PRELID2: variants seen among roughly 807,000 people sequenced by gnomAD.
PRELID2 encodes PRELI domain-containing protein 2.
PRELID2 carries 25 observed loss-of-function variants against 28.4 expected under a neutral mutation model. That is an observed-to-expected ratio of 0.88 (90% CI 0.64 to 1.23). The LOEUF is 1.23. Ranked by LOEUF, PRELID2 falls within the 50% of genes most tolerant of loss-of-function variation. PRELID2 has a pLI of 0.00. For synonymous variants in PRELID2, 76 were observed against 71.6 expected, an observed-to-expected ratio of 1.06 and a Z score of -0.31; for missense variants, 201 against 214.4, an observed-to-expected ratio of 0.94 and a Z score of 0.39.
At chr5:145,353,685 AACTC>A in the PRELID2 span, among the ~76,000 whole-genome samples, 1 of 152,146 alleles carries the variant, frequency 6.6e-6, no homozygotes, top group East Asian at 1.9e-4. Flanking sequence ...ATCTCATGAG[AACTC>A]ACTCATTATC....
the PRELID2 span, among the ~76,000 whole-genome samples, chr5:145,416,455 G>C: frequency 4.4e-3 from 676 of 152,052 alleles, 5 homozygotes; most frequent in African/African-American, 0.015. Context: ...CACAGCAAAA[G>C]AAACTACCAT....
chr5:145,305,398 G>A, the PRELID2 span, among the ~76,000 whole-genome samples: 5 of 152,272 alleles, frequency 3.3e-5, no homozygotes, highest in Admixed American at 6.5e-5. Flanking sequence ...ACCCAACTCT[G>A]TATTTCCACA....
Position 145,817,950 on chromosome 5 carries a change from C to T in PRELID2, c.312G>A (p.Gln104=), listed in dbSNP as rs777844292. 58 of 1,598,820 alleles carry T rather than the reference C, an allele frequency of 3.6e-5. No homozygotes were observed. Among genetic ancestry groups the T allele is most frequent in the Middle Eastern group, 1.7e-4 (1 of 5,988 alleles). Residue 104 remains glutamine, a synonymous_variant, in exon 4 of 7, where the codon CAG becomes CAA. Coordinates refer to ENST00000683046, the MANE Select transcript of PRELID2 (RefSeq NM_205846.3). ...CAGACTCTTCCTTCATGGATGCATACTGTGTCCACGTAAGGCAGTGACTCC... is the reference window on the plus strand; with the variant it reads ...CAGACTCTTCCTTCATGGATGCATATTGTGTCCACGTAAGGCAGTGACTCC... ...AIRSHCLTWT[Q]YASMKEESVF...
the PRELID2 span, among the ~76,000 whole-genome samples, chr5:145,251,055 A>G: frequency 6.6e-5 from 10 of 152,302 alleles, no homozygotes; most frequent in African/African-American, 2.4e-4. Flanking sequence ...AATAGATGTC[A>G]TAACTATCCA....
At chr5:145,782,597 A>C (rs1229871478) in intron 5 of PRELID2, among the ~76,000 whole-genome samples, 1 of 152,228 alleles carries the variant, frequency 6.6e-6, no homozygotes, top group Non-Finnish European at 1.5e-5. Context: ...AAGCCAACAT[A>C]TTTATGTTAA....
chr5:145,288,543 C>T, the PRELID2 span, among the ~76,000 whole-genome samples: 1 of 152,036 alleles, frequency 6.6e-6, no homozygotes, highest in Non-Finnish European at 1.5e-5. Context: ...CTGCAAAGAG[C>T]CCTAAGTCAT....
rs866818846 is a variant in PRELID2, at chr5:145,741,561, T to C, written n.70+23370A>G. ...TTTATTTATAAATAATTTATTTATA[T>C]ATAAAATTTATTTATAAATAATTTA... On this transcript the variant is annotated intron_variant and non_coding_transcript_variant, in intron 1 of 2. Transcript: ENST00000510259. Among the ~76,000 whole-genome samples, 264 of 96,626 alleles carry C rather than the reference T, an allele frequency of 2.7e-3. 12 individuals are homozygous for C. Among genetic ancestry groups the C allele is most frequent in the African/African-American group, 0.01 (254 of 24,308 alleles). The allele number at this position is 96,626 out of a possible 152,430, so 63.4% of individuals were successfully genotyped here.
intron 1 of PRELID2, among the ~76,000 whole-genome samples, chr5:145,634,769 C>G (rs886264401): frequency 6.6e-6 from 1 of 152,116 alleles, no homozygotes; most frequent in Non-Finnish European, 1.5e-5. Flanking sequence ...CATAACAGTA[C>G]CTGGCAGAAT....
At chr5:145,743,131 G>A (rs4264988) in intron 1 of PRELID2, among the ~76,000 whole-genome samples, 106 of 152,098 alleles carry the variant, frequency 7.0e-4, no homozygotes, top group East Asian at 1.7e-3. Context: ...GAATCTGGCC[G>A]GGCGCGGTGG....
chr5:145,561,874 C>G, intron 1 of PRELID2, among the ~76,000 whole-genome samples: 1 of 152,192 alleles, frequency 6.6e-6, no homozygotes, highest in East Asian at 1.9e-4. Context: ...TAAGTCTCAG[C>G]CACTGCCCTT....
At chr5:145,392,369 G>A in the PRELID2 span, among the ~76,000 whole-genome samples, 1 of 151,972 alleles carries the variant, frequency 6.6e-6, no homozygotes, top group Non-Finnish European at 1.5e-5. Flanking sequence ...GCTCTTGGGG[G>A]AACTCACTAT....
At chr5:145,404,454 G>A in the PRELID2 span, among the ~76,000 whole-genome samples, 1 of 152,148 alleles carries the variant, frequency 6.6e-6, no homozygotes, top group African/African-American at 2.4e-5. Flanking sequence ...TATAGTGTGT[G>A]TCCAGCACTA....
At chr5:145,678,814 A>G (rs1455722445) in intron 1 of PRELID2, among the ~76,000 whole-genome samples, 1 of 152,134 alleles carries the variant, frequency 6.6e-6, no homozygotes, top group Non-Finnish European at 1.5e-5. Flanking sequence ...TGATTATAGG[A>G]GTTAGAAATT....
chr5:145,341,655 C>G, the PRELID2 span, among the ~76,000 whole-genome samples: 3 of 149,216 alleles, frequency 2.0e-5, no homozygotes, highest in Middle Eastern at 0.01. Flanking sequence ...TACATAAAAT[C>G]AAGCTAAGAA....
chr5:145,777,978 C>A (rs548595725), intron 5 of PRELID2, among the ~76,000 whole-genome samples: 1 of 152,114 alleles, frequency 6.6e-6, no homozygotes, highest in Non-Finnish European at 1.5e-5. Context: ...GGTTCCTGGA[C>A]GGAAGGGAGC....
intron 1 of PRELID2, among the ~76,000 whole-genome samples, chr5:145,641,376 A>G (rs1044022525): frequency 6.6e-6 from 1 of 152,224 alleles, no homozygotes; most frequent in Admixed American, 6.5e-5. Flanking sequence ...TTAATACCAT[A>G]AAGAGATGGT....
In PRELID2 at chr5:145,774,050, T is replaced by C. The variant is rs924323773; in HGVS notation, c.475-9050A>G. On this transcript the variant is annotated intron_variant, in intron 5 of 6. Coordinates refer to ENST00000683046, the MANE Select transcript of PRELID2 (RefSeq NM_205846.3). ...AGTCAGGTGTTTCCTTTCAACAAAA[T>C]AGAATTTTTCAAAGCCATATTTCAG... Among the ~76,000 whole-genome samples the C allele has an allele frequency of 2.0e-5, 3 of 152,194 alleles. No individual in the cohort carries two copies. The East Asian group carries it at 5.8e-4, about 29-fold the overall frequency.
intron 1 of PRELID2, among the ~76,000 whole-genome samples, chr5:145,608,068 A>G (rs1753534470): frequency 6.6e-6 from 1 of 150,400 alleles, no homozygotes; most frequent in East Asian, 1.9e-4. Flanking sequence ...AAATTAAAAT[A>G]GTAAACCCTG....
At chr5:145,229,071 T>C in the PRELID2 span, 8 of 1,566,834 alleles carry the variant, frequency 5.1e-6, no homozygotes, top group Admixed American at 8.4e-5. Context: ...TGAGGACCAC[T>C]ACCTCCTGGG....
Sources: allele counts gnomAD v4.1 joint callset (sites outside exome capture counted in the v4.1 genomes callset), GRCh38; gene constraint gnomAD v4.1.1; transcripts MANE v1.5; gene names NCBI Gene and HGNC (gene_info 2026-07-23, HGNC 2026-07-21).